Variants in CYP7B1 observed in about 807,000 individuals in gnomAD.
The protein encoded by CYP7B1 is cytochrome P450 7B1.
Under a neutral mutation model 42.7 loss-of-function variants are expected in CYP7B1, and 29 were observed. The ratio of observed to expected loss-of-function variants is 0.68; its 90% CI spans 0.51 to 0.93. CYP7B1 has a LOEUF of 0.93. CYP7B1 is among the 40% of genes least tolerant of loss of function. The probability of loss-of-function intolerance (pLI) is 0.00; values close to 1 mark genes in which losing one functional copy is unlikely to be tolerated. For missense variants in CYP7B1, 655 were observed against 600.5 expected (o/e 1.09, Z -0.95); for synonymous variants, 235 against 218.2 (o/e 1.08, Z -0.68).
chr8:64,679,876 C>T (rs990077422), intron 1 of CYP7B1, among the ~76,000 whole-genome samples: 30 of 152,148 alleles, frequency 2.0e-4, no homozygotes. Context: ...CCTTTTATTG[C>T]TTGCTTTGTT....
At chr8:64,601,578 G>A (rs920443827) in intron 5 of CYP7B1, among the ~76,000 whole-genome samples, 1 of 152,164 alleles carries the variant, frequency 6.6e-6, no homozygotes, top group Non-Finnish European at 1.5e-5. Context: ...ATTACAATAA[G>A]TTAAGCAACC....
At chr8:64,697,270 A>G (rs1284065685) in intron 1 of CYP7B1, among the ~76,000 whole-genome samples, 1 of 152,184 alleles carries the variant, frequency 6.6e-6, no homozygotes, top group Admixed American at 6.5e-5. Context: ...TTGTGTTACA[A>G]TCATAGCTGT....
At chr8:64,793,285 T>A (rs1804649533) in intron 1 of CYP7B1, among the ~76,000 whole-genome samples, 1 of 152,212 alleles carries the variant, frequency 6.6e-6, no homozygotes, top group Non-Finnish European at 1.5e-5. Context: ...GGTTTAAGTG[T>A]CTTATTTTAA....
At chr8:64,748,334 T>G (rs1405655433) in intron 1 of CYP7B1, among the ~76,000 whole-genome samples, 1 of 152,134 alleles carries the variant, frequency 6.6e-6, no homozygotes, top group East Asian at 1.9e-4. Context: ...GTGGTCTATC[T>G]TCACCATTTC....
At chr8:64,618,570 T>TCTCTC in intron 2 of CYP7B1, among the ~76,000 whole-genome samples, 1 of 146,354 alleles carries the variant, frequency 6.8e-6, no homozygotes, top group Non-Finnish European at 1.5e-5. Context: ...CACATTCATT[T>TCTCTC]TCTCTCTCTC....
At chr8:64,780,978 C>T (rs1007228783) in intron 1 of CYP7B1, among the ~76,000 whole-genome samples, 49 of 152,072 alleles carry the variant, frequency 3.2e-4, no homozygotes, top group Admixed American at 2.8e-3. Flanking sequence ...ATTTTCAAAA[C>T]GATTTTTAAA....
intron 1 of CYP7B1, among the ~76,000 whole-genome samples, chr8:64,761,268 G>A (rs1350519505): frequency 6.6e-6 from 1 of 152,086 alleles, no homozygotes; most frequent in African/African-American, 2.4e-5. Flanking sequence ...CAAATGTACA[G>A]CTTGGTAGCT....
At chr8:64,771,045 A>ATATT (rs1308107007) in intron 1 of CYP7B1, among the ~76,000 whole-genome samples, 1 of 40,498 alleles carries the variant, frequency 2.5e-5, no homozygotes, top group Non-Finnish European at 5.5e-5. Flanking sequence ...GGATATCAGC[A>ATATT]TCTTTTTTTT....
At chr8:64,788,310 C>G (rs1310220497) in intron 1 of CYP7B1, among the ~76,000 whole-genome samples, 2 of 152,114 alleles carry the variant, frequency 1.3e-5, no homozygotes, top group Non-Finnish European at 2.9e-5. Context: ...CAGCAGGTCC[C>G]CAGATACCAT....
intron 1 of CYP7B1, among the ~76,000 whole-genome samples, chr8:64,722,754 GGGC>G (rs1807263736): frequency 2.3e-5 from 2 of 88,692 alleles, no homozygotes; most frequent in African/African-American, 9.1e-5. Flanking sequence ...GGGGGGGGGG[GGGC>G]GGGAGGTTTT....
chr8:64,715,493 A>G (rs1306872985), intron 1 of CYP7B1, among the ~76,000 whole-genome samples: 2 of 152,192 alleles, frequency 1.3e-5, no homozygotes, highest in Non-Finnish European at 2.9e-5. Flanking sequence ...CTTGCTAGTC[A>G]CTTTATTCCT....
chr8:64,598,566 A>G (rs1350778948), intron 5 of CYP7B1, among the ~76,000 whole-genome samples: 2 of 152,226 alleles, frequency 1.3e-5, no homozygotes, highest in African/African-American at 4.8e-5. Flanking sequence ...ATGAAAACTT[A>G]GCTTGGATTA....
At chr8:64,680,756 T>C (rs1219226918) in intron 1 of CYP7B1, among the ~76,000 whole-genome samples, 1 of 152,188 alleles carries the variant, frequency 6.6e-6, no homozygotes, top group East Asian at 1.9e-4. Context: ...ACTTTTAAAA[T>C]TAAAATTAAA....
At chr8:64,738,251 G>C (rs1014691986) in intron 1 of CYP7B1, among the ~76,000 whole-genome samples, 7 of 151,940 alleles carry the variant, frequency 4.6e-5, no homozygotes, top group Non-Finnish European at 1.0e-4. Context: ...ATTGTGATTG[G>C]TTTATAGATA....
At chr8:64,681,769 A>G (rs2129631958) in intron 1 of CYP7B1, among the ~76,000 whole-genome samples, 1 of 152,344 alleles carries the variant, frequency 6.6e-6, no homozygotes, top group East Asian at 1.9e-4. Flanking sequence ...ACATTGTGAT[A>G]GCAACCTCAC....
chr8:64,598,797 T>C (rs2129629804), intron 5 of CYP7B1, among the ~76,000 whole-genome samples: 1 of 152,338 alleles, frequency 6.6e-6, no homozygotes, highest in Non-Finnish European at 1.5e-5. Flanking sequence ...GATGTTCTAT[T>C]CAATTTTCTC....
intron 1 of CYP7B1, among the ~76,000 whole-genome samples, chr8:64,638,798 G>A (rs1224359004): frequency 6.6e-6 from 1 of 151,954 alleles, no homozygotes; most frequent in Non-Finnish European, 1.5e-5. Context: ...AGAGAACCTA[G>A]GGCAAAGAAA....
At chr8:64,730,749 C>T (rs13255153) in intron 1 of CYP7B1, among the ~76,000 whole-genome samples, 5 of 59,798 alleles carry the variant, frequency 8.4e-5, no homozygotes, top group Non-Finnish European at 1.1e-4. Flanking sequence ...CAAGGACTGT[C>T]TGCACACACA....
chr8:64,742,063 A>G (rs1807577840), intron 1 of CYP7B1, among the ~76,000 whole-genome samples: 1 of 152,210 alleles, frequency 6.6e-6, no homozygotes, highest in African/African-American at 2.4e-5. Context: ...CACTGTTCTC[A>G]TATAAAATCT....
Sources: gnomAD v4.1 joint callset for allele counts (sites outside exome capture counted in the v4.1 genomes callset) on GRCh38, gnomAD v4.1.1 for gene constraint, MANE v1.5 for transcripts, NCBI Gene and HGNC (gene_info 2026-07-23, HGNC 2026-07-21) for gene names.